The following SPATA16 variants were observed in gnomAD, a reference collection of about 807,000 sequenced individuals.
SPATA16 encodes the protein spermatogenesis associated 16, also known as spermatogenesis-associated protein 16.
In SPATA16, 36 loss-of-function variants were observed where a neutral mutation model predicts 63.3. The ratio of observed to expected loss-of-function variants is 0.57; its 90% CI spans 0.44 to 0.75. The LOEUF (loss-of-function observed/expected upper bound fraction) is 0.75. Among genes scored for constraint, SPATA16 ranks in the 30% least tolerant of loss-of-function variants. The pLI is 0.00. For missense variants in SPATA16, 646 were observed against 679.3 expected, an observed-to-expected ratio of 0.95 and a Z score of 0.54; for synonymous variants, 203 against 216.7, an observed-to-expected ratio of 0.94 and a Z score of 0.56.
At position 173,023,318 on chromosome 3, in the gene SPATA16, G is replaced by A. The variant is rs547629668; in HGVS notation, c.759-3743C>T. On this transcript the variant is annotated intron_variant, in intron 3 of 10. Transcript: ENST00000351008. ...ATATGCCACGTTTATTATACACTAAGTTCATATGCACACTTGGGTCTATGG... is the reference window on the plus strand; with the variant it reads ...ATATGCCACGTTTATTATACACTAAATTCATATGCACACTTGGGTCTATGG... Among the ~76,000 whole-genome samples the A allele has an allele frequency of 1.0e-3, 155 of 152,006 alleles. No individual in the cohort carries two copies. In the Middle Eastern group the frequency reaches 0.01, roughly 10 times the overall value.
intron 2 of SPATA16, among the ~76,000 whole-genome samples, chr3:173,093,779 A>G (rs927970251): frequency 6.6e-6 from 1 of 152,160 alleles, no homozygotes. Flanking sequence ...CTCCTTACAC[A>G]ATTCCCCTGT....
At chr3:172,965,450 A>C (rs1371346587) in intron 5 of SPATA16, among the ~76,000 whole-genome samples, 1 of 152,130 alleles carries the variant, frequency 6.6e-6, no homozygotes, top group Non-Finnish European at 1.5e-5. Flanking sequence ...CTCGTAGCTC[A>C]TGACCTTGGT....
intron 6 of SPATA16, among the ~76,000 whole-genome samples, chr3:172,941,606 T>C (rs568390420): frequency 1.6e-4 from 24 of 152,200 alleles, no homozygotes; most frequent in African/African-American, 5.3e-4. Context: ...CTAGGGTGAA[T>C]TAGAGACATT....
intron 2 of SPATA16, among the ~76,000 whole-genome samples, chr3:173,108,970 AATGTATCTCT>A (rs1737684410): frequency 6.6e-6 from 1 of 152,152 alleles, no homozygotes; most frequent in Admixed American, 6.5e-5. Context: ...CATTTCTCAG[AATGTATCTCT>A]ATTGTTAGCT....
chr3:172,990,255 C>A (rs774713043), intron 4 of SPATA16, among the ~76,000 whole-genome samples: 1 of 151,988 alleles, frequency 6.6e-6, no homozygotes, highest in Non-Finnish European at 1.5e-5. Flanking sequence ...TTGCTCATTG[C>A]CATCTATATC....
At chr3:172,948,401 A>T (rs903039827) in intron 6 of SPATA16, among the ~76,000 whole-genome samples, 5 of 152,198 alleles carry the variant, frequency 3.3e-5, no homozygotes, top group African/African-American at 1.2e-4. Context: ...TCAAGCACGA[A>T]GGAGAAATTA....
intron 7 of SPATA16, 126 bp from the exon 8 acceptor site, chr3:172,924,443 A>G (rs1468177893): frequency 1.4e-6 from 1 of 720,354 alleles, no homozygotes; most frequent in Non-Finnish European, 2.4e-6. Context: ...TATAGAAACT[A>G]GTCCCATCCC....
intron 2 of SPATA16, among the ~76,000 whole-genome samples, chr3:173,059,832 C>CTTTTTTTT (rs201000096): frequency 4.2e-5 from 3 of 71,338 alleles, no homozygotes; most frequent in Admixed American, 1.8e-4. Context: ...CATTTGGTAG[C>CTTTTTTTT]TTTTTTTTTT....
At chr3:172,894,027 T>A (rs931487134) in intron 10 of SPATA16, among the ~76,000 whole-genome samples, 1 of 152,138 alleles carries the variant, frequency 6.6e-6, no homozygotes, top group South Asian at 2.1e-4. Flanking sequence ...GGAATAAATA[T>A]CAGGTTTATA....
Position 173,123,457 on chromosome 3 carries a change from G to A in SPATA16, c.-18-5708C>T, listed in dbSNP as rs528647998. ...GATTTGTACTTTCCTTACTTTAAAA[G>A]TTTTTTTTTTAACTTAGTAACAAGA... is the stretch of plus-strand genomic sequence containing the variant. On this transcript the variant is annotated intron_variant, in intron 1 of 10. Transcript: ENST00000351008. Among the ~76,000 whole-genome samples, 55 of 149,058 alleles carry A rather than the reference G, an allele frequency of 3.7e-4. No individual in the cohort carries two copies. In the South Asian group the frequency reaches 0.012, roughly 31 times the overall value.
intron 2 of SPATA16, among the ~76,000 whole-genome samples, chr3:173,082,681 T>A (rs1736954337): frequency 6.6e-6 from 1 of 152,194 alleles, no homozygotes; most frequent in Non-Finnish European, 1.5e-5. Flanking sequence ...CAGATGGGCA[T>A]GCCAGGATGC....
chr3:173,105,839 C>T (rs1737610551), intron 2 of SPATA16, among the ~76,000 whole-genome samples: 1 of 141,884 alleles, frequency 7.0e-6, no homozygotes, highest in Admixed American at 7.2e-5. Flanking sequence ...TTTCCTTTCT[C>T]TCTCTCTTTT....
chr3:172,985,806 G>T lies in SPATA16; in HGVS notation c.849-8754C>A, dbSNP rs529433412. Reference sequence around the variant, plus strand: ...ATCTCAGGAGAAGCAGAGGGTTTGTGTAGAGGAAGAAAGGGGGGAAACGCT... The same window carrying T: ...ATCTCAGGAGAAGCAGAGGGTTTGTTTAGAGGAAGAAAGGGGGGAAACGCT... On this transcript the variant is annotated intron_variant, in intron 4 of 10. Coordinates refer to ENST00000351008, the MANE Select transcript of SPATA16 (RefSeq NM_031955.6). 2.0e-5 allele frequency among the ~76,000 whole-genome samples: 3 copies of T among 152,278 alleles called. No homozygotes were observed. In the East Asian group the frequency reaches 5.8e-4, roughly 29 times the overall value.
At chr3:172,904,862 G>A (rs746801658) in intron 10 of SPATA16, among the ~76,000 whole-genome samples, 15 of 152,100 alleles carry the variant, frequency 9.9e-5, no homozygotes, top group Non-Finnish European at 2.1e-4. Context: ...TCCCGGGTCC[G>A]ATTGCCCCAG....
chr3:172,946,583 G>T (rs960222136), intron 6 of SPATA16, among the ~76,000 whole-genome samples: 12 of 152,064 alleles, frequency 7.9e-5, no homozygotes, highest in Admixed American at 5.9e-4. Context: ...GGTAGCAGTG[G>T]CCCCAGGGGG....
At chr3:172,933,742 T>C (rs2109590068) in intron 6 of SPATA16, among the ~76,000 whole-genome samples, 1 of 152,310 alleles carries the variant, frequency 6.6e-6, no homozygotes, top group South Asian at 2.1e-4. Flanking sequence ...TCTGCCCCTT[T>C]AAAACTGACT....
At chr3:172,890,702 G>C (rs1731876493) in intron 10 of SPATA16, among the ~76,000 whole-genome samples, 1 of 149,386 alleles carries the variant, frequency 6.7e-6, no homozygotes, top group Non-Finnish European at 1.5e-5. Context: ...TCATCCATAT[G>C]TTATGCTTAG....
chr3:172,984,074 G>C (rs1028386209), intron 4 of SPATA16, among the ~76,000 whole-genome samples: 3 of 151,278 alleles, frequency 2.0e-5, no homozygotes, highest in African/African-American at 7.3e-5. Context: ...GTCCTGTGCT[G>C]TCCAATATGG....
At chr3:173,024,828 T>G (rs968899931) in intron 3 of SPATA16, among the ~76,000 whole-genome samples, 2 of 150,776 alleles carry the variant, frequency 1.3e-5, no homozygotes, top group African/African-American at 4.8e-5. Flanking sequence ...AAATTTATTT[T>G]TATTATTTCT....
Sources: gnomAD v4.1 joint callset for allele counts (sites outside exome capture counted in the v4.1 genomes callset) on GRCh38, gnomAD v4.1.1 for gene constraint, MANE v1.5 for transcripts, NCBI Gene and HGNC (gene_info 2026-07-23, HGNC 2026-07-21) for gene names.